MTUS1: variants seen among roughly 807,000 people sequenced by gnomAD.
MTUS1 encodes the protein microtubule-associated tumor suppressor 1.
Under a neutral mutation model 120.8 loss-of-function variants are expected in MTUS1, and 109 were observed. The ratio of observed to expected loss-of-function variants is 0.90; its 90% CI spans 0.77 to 1.06. The LOEUF (loss-of-function observed/expected upper bound fraction) is 1.06, where lower values mean the gene tolerates loss of function less well. Among genes scored for constraint, MTUS1 ranks in the 50% least tolerant of loss-of-function variants. The probability of loss-of-function intolerance (pLI) is 0.00; values close to 1 mark genes in which losing one functional copy is unlikely to be tolerated. For synonymous variants in MTUS1, 737 were observed against 550.5 expected, an observed-to-expected ratio of 1.34 and a Z score of -4.74; for missense variants, 2,210 against 1,486.3, an observed-to-expected ratio of 1.49 and a Z score of -8.01.
At chr8:17,652,454 G>C (rs182131864) in intron 12 of MTUS1, among the ~76,000 whole-genome samples, 1 of 152,066 alleles carries the variant, frequency 6.6e-6, no homozygotes, top group East Asian at 1.9e-4. Flanking sequence ...AATCCATAGA[G>C]ATAGAAAGTA....
intron 13 of MTUS1, among the ~76,000 whole-genome samples, chr8:17,648,429 G>C (rs1355676829): frequency 1.3e-5 from 2 of 152,132 alleles, no homozygotes; most frequent in African/African-American, 4.8e-5. Flanking sequence ...ATGATTTTTT[G>C]AAAGTTTTGA....
Position 17,753,872 on chromosome 8 carries a change from C to G in MTUS1, c.1936G>C (p.Glu646Gln), listed in dbSNP as rs61733691. The G allele has an allele frequency of 3.4e-3, 5,415 of 1,614,170 alleles. 15 individuals carry two copies. The highest frequency in any genetic ancestry group is 3.9e-3 in the Non-Finnish European group (4,639 of 1,180,026). The change falls in exon 2 of 15, where the codon GAA becomes CAA. Residue 646 changes from glutamate (E) to glutamine (Q), a missense_variant. By Grantham distance (29) the Glu-to-Gln change is conservative (BLOSUM62 2). Coordinates refer to ENST00000693296, the MANE Select transcript of MTUS1 (RefSeq NM_001363059.2). ...KIKGILPVKM[E>Q]SAECLEMTYV... ...GTCATTTCCAAACATTCTGCACTTT[C>G]CATTTTAACAGGGAGTATGCCTTTG...
In MTUS1 at chr8:17,647,458, G is replaced by GAA. The variant is rs112070816; in HGVS notation, c.3502-381_3502-380dup. ...TATCTCCTTACGGTGAATTTTGCTG[G>GAA]AAAAAAAAAAAAAAAGATTCCCACA... On this transcript the variant is annotated intron_variant, in intron 13 of 14. Transcript: ENST00000693296. Among the ~76,000 whole-genome samples, 466 of 136,236 alleles carry GAA rather than the reference G, an allele frequency of 3.4e-3. 1 individual carries two copies. Among genetic ancestry groups the GAA allele is most frequent in the African/African-American group, 9.3e-3 (345 of 37,128 alleles). The allele number at this position is 136,236 out of a possible 152,430, so 89.4% of individuals were successfully genotyped here.
chr8:17,753,409 A>G (rs1040671427), intron 2 of MTUS1, among the ~76,000 whole-genome samples: 1 of 152,226 alleles, frequency 6.6e-6, no homozygotes, highest in African/African-American at 2.4e-5. Flanking sequence ...ACCTGATTGT[A>G]TCAGGCACTT....
chr8:17,746,738 T>C (rs1204411699), intron 2 of MTUS1, among the ~76,000 whole-genome samples: 4 of 152,174 alleles, frequency 2.6e-5, no homozygotes, highest in African/African-American at 9.7e-5. Context: ...TACTAACATA[T>C]AGCCCGTATA....
intron 9 of MTUS1, among the ~76,000 whole-genome samples, chr8:17,655,319 T>C (rs1312328763): frequency 2.0e-5 from 3 of 148,438 alleles, no homozygotes; most frequent in African/African-American, 7.4e-5. Context: ...TGCAAAACAA[T>C]AGTTTGGCAA....
chr8:17,777,668 A>G (rs2050562687), intron 1 of MTUS1, among the ~76,000 whole-genome samples: 1 of 152,218 alleles, frequency 6.6e-6, no homozygotes, highest in South Asian at 2.1e-4. Flanking sequence ...AACCTGCCAG[A>G]CACTAAGTTC....
At position 17,654,650 on chromosome 8, in the gene MTUS1, G is replaced by A. The variant is rs746779064; in HGVS notation, c.3125C>T (p.Ala1042Val). 6 of 1,613,558 alleles carry A rather than the reference G, an allele frequency of 3.7e-6. No individual in the cohort carries two copies. Among genetic ancestry groups the A allele is most frequent in the Non-Finnish European group, 5.1e-6 (6 of 1,179,420 alleles). The change falls in exon 10 of 15, where the codon GCT (alanine) becomes GTT (valine). Residue 1042 changes from alanine to valine, a missense_variant. Transcript: ENST00000693296. ...TTCCAACTTAGAGGTTTCATGCGCA[G>A]CATTTAAGTTGTCAAACTGTAAGCA... ...QLQEQFDNLN[A>V]AHETSKLEIE...
intron 6 of MTUS1, among the ~76,000 whole-genome samples, chr8:17,685,859 T>C (rs1475146188): frequency 6.6e-6 from 1 of 152,224 alleles, no homozygotes. Flanking sequence ...TACTCTTTAT[T>C]ATTAGCAATT....
Position 17,755,702 on chromosome 8 carries a change from T to A in MTUS1, c.106A>T (p.Thr36Ser). ...THAYNPKSPPTQNSSASSVNW... is the reference protein window; with the variant it reads ...THAYNPKSPPSQNSSASSVNW... ...ACACTGCTGGCTGAAGAGTTTTGTG[T>A]AGGTGGTGATTTCGGGTTGTATGCA... Residue 36 changes from threonine (T) to serine (S), a missense_variant, in exon 2 of 15, where the codon ACA (threonine) becomes TCA (serine). Coordinates refer to ENST00000693296, the MANE Select transcript of MTUS1 (RefSeq NM_001363059.2). 1 of 1,614,230 alleles carries A rather than the reference T, an allele frequency of 6.2e-7. No homozygotes were observed. Among genetic ancestry groups the A allele is most frequent in the Non-Finnish European group, 8.5e-7 (1 of 1,180,036 alleles).
intron 1 of MTUS1, among the ~76,000 whole-genome samples, chr8:17,796,203 G>A (rs2052215995): frequency 1.6e-3 from 3 of 1,876 alleles, no homozygotes; most frequent in Non-Finnish European, 4.0e-3. Context: ...CGCTTGGCTT[G>A]GCCTCCCAAA....
At position 17,655,893 on chromosome 8, in the gene MTUS1, T is replaced by C; in HGVS notation, c.3078A>G (p.Ala1026=). ...CTTGCAATTGCATTTTGTACTTCTC[T>C]GCTTCTTCAATGTAAGTGTCCCGAA... is the stretch of plus-strand genomic sequence containing the variant. ...EKLRDTYIEE[A]EKYKMQLQEQ... is the part of the protein sequence containing the mutation. Residue 1026 remains alanine, a synonymous_variant, in exon 9 of 15, where the codon GCA becomes GCG. Coordinates refer to ENST00000693296, the MANE Select transcript of MTUS1 (RefSeq NM_001363059.2). 2 of 1,614,238 alleles carry C rather than the reference T, an allele frequency of 1.2e-6. No homozygotes were observed. Among genetic ancestry groups the C allele is most frequent in the Non-Finnish European group, 1.7e-6 (2 of 1,180,036 alleles).
At chr8:17,791,840 G>C (rs141450137) in intron 1 of MTUS1, among the ~76,000 whole-genome samples, 1 of 152,154 alleles carries the variant, frequency 6.6e-6, no homozygotes, top group African/African-American at 2.4e-5. Context: ...CTATGAATCA[G>C]AAGATTTAAT....
intron 8 of MTUS1, among the ~76,000 whole-genome samples, chr8:17,670,598 C>T (rs543621730): frequency 5.3e-5 from 8 of 152,172 alleles, no homozygotes; most frequent in African/African-American, 1.2e-4. Flanking sequence ...CCGAGACGGG[C>T]GGATCACTTG....
intron 6 of MTUS1, among the ~76,000 whole-genome samples, chr8:17,699,434 C>G (rs147021767): frequency 6.6e-6 from 1 of 152,040 alleles, no homozygotes; most frequent in Non-Finnish European, 1.5e-5. Context: ...AGGCTCGTCT[C>G]GAACTCCTGA....
At chr8:17,708,284 G>A (rs1363137926) in intron 6 of MTUS1, among the ~76,000 whole-genome samples, 1 of 152,280 alleles carries the variant, frequency 6.6e-6, no homozygotes, top group African/African-American at 2.4e-5. Flanking sequence ...TTTAAAACTG[G>A]CAAATGATTT....
intron 1 of MTUS1, among the ~76,000 whole-genome samples, chr8:17,779,136 G>A (rs1461089923): frequency 2.6e-5 from 4 of 152,300 alleles, no homozygotes; most frequent in Admixed American, 1.3e-4. Context: ...TAAGTAGTAG[G>A]TAAGGAGGCA....
intron 9 of MTUS1, 142 bp from the exon 10 acceptor site, chr8:17,654,808 G>C (rs1331808653): frequency 3.2e-6 from 2 of 631,032 alleles, no homozygotes; most frequent in Admixed American, 5.3e-5. Context: ...CACATACAAA[G>C]GTCAGGGCAG....
At chr8:17,800,782 G>C (rs1170478860) in intron 1 of MTUS1, 1 of 152,208 alleles carries the variant, frequency 6.6e-6, no homozygotes, top group Non-Finnish European at 1.5e-5. Flanking sequence ...CGGGTGGGCG[G>C]CGTAAGGAGT....
Sources: gnomAD v4.1 joint callset for allele counts (sites outside exome capture counted in the v4.1 genomes callset) on GRCh38, gnomAD v4.1.1 for gene constraint, MANE v1.5 for transcripts, NCBI Gene and HGNC (gene_info 2026-07-23, HGNC 2026-07-21) for gene names.